The following GRIK1 variants were observed in gnomAD, a reference collection of about 807,000 sequenced individuals.
GRIK1 encodes the protein glutamate receptor ionotropic, kainate 1.
A neutral mutation model predicts 105.7 loss-of-function variants in GRIK1; 69 were observed. The ratio of observed to expected loss-of-function variants is 0.65; its 90% CI spans 0.54 to 0.80. The LOEUF (loss-of-function observed/expected upper bound fraction) is 0.80. Among genes scored for constraint, GRIK1 ranks in the 30% least tolerant of loss-of-function variants. The pLI is 0.00. For synonymous variants in GRIK1, 438 were observed against 431.3 expected (o/e 1.02, Z -0.19); for missense variants, 1,109 against 1,167.3 (o/e 0.95, Z 0.73).
At chr21:29,751,605 T>A (rs1007242764) in intron 1 of GRIK1, among the ~76,000 whole-genome samples, 1 of 152,192 alleles carries the variant, frequency 6.6e-6, no homozygotes, top group African/African-American at 2.4e-5. Flanking sequence ...TGCAATTGCA[T>A]GCTCCATAAG....
At chr21:29,605,120 TAAAC>T (rs2061588143) in intron 7 of GRIK1, among the ~76,000 whole-genome samples, 1 of 152,166 alleles carries the variant, frequency 6.6e-6, no homozygotes, top group Admixed American at 6.5e-5. Flanking sequence ...GTTACACAGG[TAAAC>T]GTGTGCCATG....
rs944089529 is a variant in GRIK1 at position 29,705,495 on chromosome 21, T to C, written c.119-11432A>G. ...ACCGTGACATGCAGTGGAATTGTTG[T>C]CTTAAGAAACACTTTTTGAAAAGTT... On this transcript the variant is annotated intron_variant, in intron 1 of 17. Transcript: ENST00000327783. 3.9e-5 allele frequency among the ~76,000 whole-genome samples: 6 copies of C among 152,238 alleles called. No homozygotes were observed. In the South Asian group the frequency reaches 1.2e-3, roughly 32 times the overall value.
At chr21:29,883,209 C>A (rs2069489661) in intron 1 of GRIK1, among the ~76,000 whole-genome samples, 1 of 151,992 alleles carries the variant, frequency 6.6e-6, no homozygotes, top group South Asian at 2.1e-4. Flanking sequence ...TTTGTATATT[C>A]TACAAAATAT....
intron 7 of GRIK1, among the ~76,000 whole-genome samples, chr21:29,604,482 T>A (rs1388392322): frequency 6.6e-6 from 1 of 152,190 alleles, no homozygotes; most frequent in Non-Finnish European, 1.5e-5. Context: ...AATACACTAT[T>A]GATTAGGGTG....
chr21:29,830,523 T>C (rs1032954271), intron 1 of GRIK1, among the ~76,000 whole-genome samples: 1 of 152,142 alleles, frequency 6.6e-6, no homozygotes, highest in East Asian at 1.9e-4. Context: ...GCCATATAGA[T>C]TGTGAGGTAC....
In GRIK1 at chr21:29,876,820, G is replaced by T. The variant is rs468619; in HGVS notation, c.118+62563C>A. On this transcript the variant is annotated intron_variant, in intron 1 of 17. Transcript: ENST00000327783. Reference sequence around the variant, plus strand: ...CTGAATAACTAAAGTTAGGCAATTCGTTTGGCTTTTGGGAAATAATTAGGG... The same window carrying T: ...CTGAATAACTAAAGTTAGGCAATTCTTTTGGCTTTTGGGAAATAATTAGGG... Among the ~76,000 whole-genome samples, 422 of 152,136 alleles carry T rather than the reference G, an allele frequency of 2.8e-3. 3 individuals are homozygous for T. Among genetic ancestry groups the T allele is most frequent in the African/African-American group, 9.3e-3 (388 of 41,520 alleles).
intron 1 of GRIK1, among the ~76,000 whole-genome samples, chr21:29,931,420 G>A (rs146703937): frequency 5.9e-5 from 9 of 152,220 alleles, no homozygotes; most frequent in African/African-American, 2.2e-4. Flanking sequence ...CTTTGGGGAG[G>A]AAGACCAGAT....
chr21:29,538,579 TA>T lies in GRIK1; in HGVS notation c.2608-696del, dbSNP rs58400171. 4.7e-4 allele frequency among the ~76,000 whole-genome samples: 70 copies of T among 149,858 alleles called. No individual in the cohort carries two copies. In the East Asian group the frequency reaches 4.9e-3, roughly 10 times the overall value. ...TAGATCTCAAGTGTTTTTATCACAA[TA>T]AAAAAAAAATCCTCTAAAAACCATA... On this transcript the variant is annotated intron_variant, in intron 16 of 17. Coordinates refer to ENST00000327783, the MANE Select transcript of GRIK1 (RefSeq NM_001330994.2).
Position 29,820,313 on chromosome 21 carries a change from C to T in GRIK1, c.118+119070G>A, listed in dbSNP as rs987441843. 2.6e-5 allele frequency among the ~76,000 whole-genome samples: 4 copies of T among 152,018 alleles called. 1 individual carries two copies. The highest frequency in any genetic ancestry group is 5.9e-5 in the Non-Finnish European group (4 of 67,996). On this transcript the variant is annotated intron_variant, in intron 1 of 17. Transcript: ENST00000327783. The stretch of plus-strand genomic sequence containing the variant: ...GTTTTTATCAAGATCACCATGGGCA[C>T]CTGTGGTAGTAAATCCAGTGGTCAT...
chr21:29,858,189 G>A (rs578149485), intron 1 of GRIK1, among the ~76,000 whole-genome samples: 63 of 152,254 alleles, frequency 4.1e-4, no homozygotes, highest in Admixed American at 1.4e-3. Flanking sequence ...ATGAGCCACT[G>A]TGCCTGGCCT....
Position 29,693,879 on chromosome 21 carries a change from AGTGGGAAAAT to A in GRIK1, c.286+7_286+16del. ...CATATCACCCAAAGAAGCTTTTAAA[AGTGGGAAAAT>A]AGTTACCTCTCCGCGAGGCTTCAAA... On this transcript the variant is annotated splice_region_variant and intron_variant, in intron 2 of 17. Coordinates refer to ENST00000327783, the MANE Select transcript of GRIK1 (RefSeq NM_001330994.2). 1.3e-6 allele frequency: 2 copies of A among 1,594,910 alleles called. No homozygotes were observed. The highest frequency in any genetic ancestry group is 1.7e-6 in the Non-Finnish European group (2 of 1,164,858).
rs149258786 is a variant in GRIK1, at chr21:29,806,497, C to T, written c.119-112434G>A. Among the ~76,000 whole-genome samples the T allele has an allele frequency of 2.6e-3, 402 of 152,138 alleles. 2 individuals are homozygous for T. Among genetic ancestry groups the T allele is most frequent in the African/African-American group, 9.1e-3 (376 of 41,528 alleles). ...TTTCCCACTGAAAATGATTTTAAAA[C>T]GTAATGTCATTTGACCCTCTCTTGC... On this transcript the variant is annotated intron_variant, in intron 1 of 17. Coordinates refer to ENST00000327783, the MANE Select transcript of GRIK1 (RefSeq NM_001330994.2).
rs1216700252 is a variant in GRIK1, at chr21:29,672,842, G to A, written c.726+141C>T. The A allele has an allele frequency of 1.8e-5, 12 of 658,340 alleles. No individual in the cohort carries two copies. In the African/African-American group the frequency reaches 2.2e-4, roughly 12 times the overall value. 40.8% of individuals were successfully genotyped at this position (658,340 alleles called of 1,614,324 possible). ...TCTGAGCCCCTTGCCTGTTTAAAAG[G>A]GCTCTGAAAATTATAATCTTTAGCA... On this transcript the variant is annotated intron_variant, in intron 4 of 17. Transcript: ENST00000327783.
chr21:29,761,751 T>TTC (rs899224881), intron 1 of GRIK1, among the ~76,000 whole-genome samples: 6 of 72,294 alleles, frequency 8.3e-5, no homozygotes, highest in Non-Finnish European at 1.5e-4. Flanking sequence ...CTTTCTTTCG[T>TTC]TCTTTTTTTT....
chr21:29,719,011 G>A (rs1009865480), intron 1 of GRIK1, among the ~76,000 whole-genome samples: 4 of 151,536 alleles, frequency 2.6e-5, no homozygotes, highest in Non-Finnish European at 5.9e-5. Context: ...TGACTTTGGA[G>A]ATACAGAAAT....
At chr21:29,730,786 C>T (rs906653482) in intron 1 of GRIK1, among the ~76,000 whole-genome samples, 25 of 152,046 alleles carry the variant, frequency 1.6e-4, no homozygotes, top group African/African-American at 5.3e-4. Context: ...TTCATAGCCA[C>T]GGTATCTTTA....
intron 1 of GRIK1, among the ~76,000 whole-genome samples, chr21:29,918,067 G>GTGAT (rs1226414874): frequency 6.6e-6 from 1 of 151,938 alleles, no homozygotes; most frequent in Non-Finnish European, 1.5e-5. Context: ...TAGATAAATG[G>GTGAT]TGATGGTTTA....
At position 29,560,347 on chromosome 21, in the gene GRIK1, C is replaced by A. The variant is rs1431430480; in HGVS notation, c.2356+1277G>T. On this transcript the variant is annotated intron_variant, in intron 15 of 17. Transcript: ENST00000327783. ...TCTTTCTTTCTTTCTTTCTTTCTTT[C>A]TTTCTTTCTTTTTCTTTCTTCCTTC... 1.2e-4 allele frequency among the ~76,000 whole-genome samples: 12 copies of A among 97,924 alleles called. 1 individual carries two copies. Among genetic ancestry groups the A allele is most frequent in the Non-Finnish European group, 2.2e-4 (11 of 49,126 alleles). 64.2% of individuals were successfully genotyped at this position (97,924 alleles called of 152,430 possible). A position where few individuals can be genotyped will look rare whatever the true frequency, so the allele number is the denominator to read the frequency against.
intron 14 of GRIK1, among the ~76,000 whole-genome samples, chr21:29,568,271 G>A (rs1333842878): frequency 6.6e-6 from 1 of 152,196 alleles, no homozygotes; most frequent in African/African-American, 2.4e-5. Flanking sequence ...CTTATGTGAA[G>A]AGTGCCTTCC....
Sources: gnomAD v4.1 joint callset for allele counts (sites outside exome capture counted in the v4.1 genomes callset) on GRCh38, gnomAD v4.1.1 for gene constraint, MANE v1.5 for transcripts, NCBI Gene and HGNC (gene_info 2026-07-23, HGNC 2026-07-21) for gene names.